ACOT7: variants seen among roughly 807,000 people sequenced by gnomAD.
The protein encoded by ACOT7 is cytosolic acyl coenzyme A thioester hydrolase.
A neutral mutation model predicts 40.2 loss-of-function variants in ACOT7; 12 were observed. The ratio of observed to expected loss-of-function variants is 0.30; its 90% CI spans 0.19 to 0.48. The LOEUF is 0.48. Among genes scored for constraint, ACOT7 ranks in the 20% least tolerant of loss-of-function variants. The pLI, the probability that ACOT7 is intolerant of heterozygous loss-of-function variation, is 0.99. For missense variants in ACOT7, 395 were observed against 530.8 expected (o/e 0.74, Z 2.51); for synonymous variants, 228 against 219.5 (o/e 1.04, Z -0.34).
chr1:6,279,108 A>G (rs1156431553), intron 8 of ACOT7, among the ~76,000 whole-genome samples: 1 of 152,228 alleles, frequency 6.6e-6, no homozygotes, highest in Non-Finnish European at 1.5e-5. Flanking sequence ...AGTGGAGCCC[A>G]TACTTCATGG....
intron 1 of ACOT7, among the ~76,000 whole-genome samples, chr1:6,353,553 G>C (rs112468310): frequency 8.5e-5 from 13 of 152,100 alleles, no homozygotes. Flanking sequence ...AGAATTGCTC[G>C]AACCTGAAAG....
rs1419398194 is a variant in ACOT7 at position 6,311,552 on chromosome 1, G to C, written c.712+6940C>G. Among the ~76,000 whole-genome samples the C allele has an allele frequency of 6.6e-6, 1 of 152,160 alleles. No homozygotes were observed. The highest frequency in any genetic ancestry group is 6.5e-5 in the Admixed American group (1 of 15,278). On this transcript the variant is annotated intron_variant, in intron 6 of 8. Coordinates refer to ENST00000361521, the MANE Select transcript of ACOT7 (RefSeq NM_007274.4). This position sits in a 1 kb window ranked among gnomAD's most constrained non-coding sequence, Gnocchi z 5.2. ...CCCTCAAGGTATCTCAACTCCCTCC[G>C]TCCCCAGCTATTGGGGTCTCTTGTG...
rs1010393646 is a variant in ACOT7, at chr1:6,275,400, T to C, written c.1014+5702A>G. Among the ~76,000 whole-genome samples, 1 of 152,090 alleles carries C rather than the reference T, an allele frequency of 6.6e-6. No homozygotes were observed. The highest frequency in any genetic ancestry group is 2.4e-5 in the African/African-American group (1 of 41,416). On this transcript the variant is annotated intron_variant, in intron 8 of 8. Transcript: ENST00000361521. This position sits in a 1 kb window ranked among gnomAD's most constrained non-coding sequence, Gnocchi z 5.6. ...TTTCCCTGAGTTCTTGGAACTCCCC[T>C]GGCTATGCATGAGGCAGCTCTGAAA...
At chr1:6,366,772 C>T (rs1414050513) in intron 1 of ACOT7, among the ~76,000 whole-genome samples, 1 of 151,868 alleles carries the variant, frequency 6.6e-6, no homozygotes, top group Non-Finnish European at 1.5e-5. Flanking sequence ...TCCCCTGGCT[C>T]AGCCTCCTGA....
chr1:6,267,526 C>T (rs1033910891), intron 8 of ACOT7, among the ~76,000 whole-genome samples: 2 of 152,246 alleles, frequency 1.3e-5, no homozygotes, highest in Non-Finnish European at 2.9e-5. Flanking sequence ...TCCCCAACTC[C>T]ACTGGGAGAT....
chr1:6,370,576 G>A (rs979720013), intron 1 of ACOT7, among the ~76,000 whole-genome samples: 1 of 150,662 alleles, frequency 6.6e-6, no homozygotes, highest in Non-Finnish European at 1.5e-5. Flanking sequence ...TGCAGCCTCC[G>A]CCTCCCTGGT....
At chr1:6,363,060 A>G (rs1174521249) in intron 1 of ACOT7, among the ~76,000 whole-genome samples, 1 of 152,252 alleles carries the variant, frequency 6.6e-6, no homozygotes, top group Non-Finnish European at 1.5e-5. Flanking sequence ...GAATATCATT[A>G]ATCATTAATT....
chr1:6,369,463 A>G (rs556931074), intron 1 of ACOT7, among the ~76,000 whole-genome samples: 37 of 141,738 alleles, frequency 2.6e-4, no homozygotes, highest in African/African-American at 9.3e-4. Context: ...CTGGAGTGCA[A>G]TGGCACAATC....
intron 6 of ACOT7, among the ~76,000 whole-genome samples, chr1:6,295,777 G>A (rs1446192028): frequency 6.6e-6 from 1 of 151,948 alleles, no homozygotes; most frequent in East Asian, 1.9e-4. Flanking sequence ...GGATTAGGGG[G>A]ATATGGGAAT....
At chr1:6,346,428 T>G (rs935225974) in intron 2 of ACOT7, among the ~76,000 whole-genome samples, 1 of 152,162 alleles carries the variant, frequency 6.6e-6, no homozygotes, top group Non-Finnish European at 1.5e-5. Context: ...CCTGTGGATA[T>G]CTGGGGAAAG....
At chr1:6,313,504 G>T (rs1640399437) in intron 6 of ACOT7, among the ~76,000 whole-genome samples, 1 of 152,178 alleles carries the variant, frequency 6.6e-6, no homozygotes, top group Non-Finnish European at 1.5e-5. Flanking sequence ...GACCCTCTAG[G>T]CCCCATGACA....
At chr1:6,277,117 G>C (rs946703357) in intron 8 of ACOT7, among the ~76,000 whole-genome samples, 1 of 152,216 alleles carries the variant, frequency 6.6e-6, no homozygotes, top group African/African-American at 2.4e-5. Flanking sequence ...CACAAGGGTG[G>C]ACCCCCTCAG....
At chr1:6,280,651 C>T (rs1271879551) in intron 8 of ACOT7, among the ~76,000 whole-genome samples, 1 of 152,166 alleles carries the variant, frequency 6.6e-6, no homozygotes, top group Non-Finnish European at 1.5e-5. Context: ...TGGAGGGAGC[C>T]CACCCCTCCA....
chr1:6,331,337 G>A (rs932878455), intron 4 of ACOT7, among the ~76,000 whole-genome samples: 12 of 152,220 alleles, frequency 7.9e-5, no homozygotes, highest in South Asian at 2.1e-4. Context: ...CCAGTGACCC[G>A]TACTCCGGTA....
chr1:6,300,820 G>GAA (rs1571285093), intron 6 of ACOT7, among the ~76,000 whole-genome samples: 1 of 150,914 alleles, frequency 6.6e-6, no homozygotes, highest in African/African-American at 2.5e-5. Context: ...TGCGCGGCCG[G>GAA]TCCCTCTCCA....
chr1:6,337,512 T>C (rs1298462354), intron 3 of ACOT7, among the ~76,000 whole-genome samples: 1 of 152,218 alleles, frequency 6.6e-6, no homozygotes. Context: ...ATATCTATTA[T>C]GGGCCAGCAG....
At chr1:6,325,757 C>T (rs1230634924) in intron 5 of ACOT7, among the ~76,000 whole-genome samples, 1 of 152,210 alleles carries the variant, frequency 6.6e-6, no homozygotes, top group Non-Finnish European at 1.5e-5. Context: ...GCCCAGAAAG[C>T]CATGCTCTCA....
At chr1:6,382,957 C>G (rs989395132) in intron 1 of ACOT7, among the ~76,000 whole-genome samples, 1 of 151,716 alleles carries the variant, frequency 6.6e-6, no homozygotes, top group South Asian at 2.1e-4. Context: ...TGGATCACTG[C>G]AACCTCCGCC....
At chr1:6,317,979 A>T (rs1018407633) in intron 6 of ACOT7, among the ~76,000 whole-genome samples, 5 of 152,054 alleles carry the variant, frequency 3.3e-5, no homozygotes, top group Non-Finnish European at 5.9e-5. Flanking sequence ...TGATCCAGCC[A>T]CCTCGGCCTC....
Sources: gnomAD v4.1 joint callset for allele counts (sites outside exome capture counted in the v4.1 genomes callset) on GRCh38, gnomAD v4.1.1 for gene constraint, Gnocchi (gnomAD v3.1) non-coding constraint, MANE v1.5 for transcripts, NCBI Gene and HGNC (gene_info 2026-07-23, HGNC 2026-07-21) for gene names.